CCDC148: variants seen among roughly 807,000 people sequenced by gnomAD.
The protein encoded by CCDC148 is coiled-coil domain containing 148, also known as coiled-coil domain-containing protein 148.
In CCDC148, 89 loss-of-function variants were observed where a neutral mutation model predicts 85.7. The ratio of observed to expected loss-of-function variants is 1.04; its 90% confidence interval spans 0.87 to 1.24. CCDC148 has a LOEUF of 1.24. Ranked by LOEUF, CCDC148 falls within the 50% of genes most tolerant of loss-of-function variation. The pLI is 0.00. For synonymous variants in CCDC148, 230 were observed against 213.9 expected, an observed-to-expected ratio of 1.08 and a Z score of -0.66; for missense variants, 692 against 671.7, an observed-to-expected ratio of 1.03 and a Z score of -0.33.
At chr2:158,447,853 C>G (rs1688225371) in intron 1 of CCDC148, among the ~76,000 whole-genome samples, 1 of 152,072 alleles carries the variant, frequency 6.6e-6, no homozygotes, top group South Asian at 2.1e-4. Flanking sequence ...TTTTCACTTT[C>G]TTACCAGTAT....
intron 11 of CCDC148, among the ~76,000 whole-genome samples, chr2:158,192,883 T>C (rs1478555215): frequency 6.6e-6 from 1 of 152,052 alleles, no homozygotes; most frequent in African/African-American, 2.4e-5. Flanking sequence ...AAGGCTATTT[T>C]ATTTTCTCTA....
At chr2:158,455,401 T>C (rs1400486390) in intron 1 of CCDC148, among the ~76,000 whole-genome samples, 3 of 152,090 alleles carry the variant, frequency 2.0e-5, no homozygotes, top group Non-Finnish European at 4.4e-5. Context: ...TTTTTTTTTT[T>C]CCAATCAAGG....
At chr2:158,322,493 T>A (rs1291726131) in intron 7 of CCDC148, among the ~76,000 whole-genome samples, 2 of 152,048 alleles carry the variant, frequency 1.3e-5, no homozygotes, top group East Asian at 3.8e-4. Context: ...ACATCTGAAA[T>A]ATATAAAATG....
intron 1 of CCDC148, among the ~76,000 whole-genome samples, chr2:158,374,566 C>T (rs887730249): frequency 6.6e-6 from 1 of 151,854 alleles, no homozygotes; most frequent in Non-Finnish European, 1.5e-5. Context: ...CACACGTAGA[C>T]CAAACTGAAG....
At chr2:158,413,846 A>C (rs181545951) in intron 1 of CCDC148, among the ~76,000 whole-genome samples, 2 of 152,158 alleles carry the variant, frequency 1.3e-5, no homozygotes, top group Non-Finnish European at 2.9e-5. Flanking sequence ...GGACTAAATA[A>C]CTCGTGAGTG....
intron 1 of CCDC148, among the ~76,000 whole-genome samples, chr2:158,424,158 T>G (rs1485737950): frequency 1.3e-5 from 2 of 152,158 alleles, no homozygotes; most frequent in South Asian, 2.1e-4. Context: ...AGTCAGTGTG[T>G]CAATTCCTCA....
chr2:158,456,328 G>T, intron 1 of CCDC148, 87 bp downstream of exon 1: 1 of 1,359,022 alleles, frequency 7.4e-7, no homozygotes, highest in Non-Finnish European at 1.0e-6. Context: ...AGGGGGAGTG[G>T]CTGCAGAGAA....
chr2:158,245,884 T>C (rs1234529838), intron 10 of CCDC148, among the ~76,000 whole-genome samples: 1 of 152,184 alleles, frequency 6.6e-6, no homozygotes, highest in East Asian at 1.9e-4. Context: ...ATCAATATCA[T>C]CTAACAACTT....
At chr2:158,234,780 CAT>C (rs1269146035) in intron 10 of CCDC148, among the ~76,000 whole-genome samples, 6 of 152,020 alleles carry the variant, frequency 3.9e-5, no homozygotes, top group Admixed American at 1.3e-4. Flanking sequence ...TTAAAAATAA[CAT>C]ATATAGTGTG....
chr2:158,428,375 C>A (rs1465951968), intron 1 of CCDC148, among the ~76,000 whole-genome samples: 1 of 152,050 alleles, frequency 6.6e-6, no homozygotes, highest in Non-Finnish European at 1.5e-5. Flanking sequence ...CATTTCTTAA[C>A]AGCACAACTA....
intron 9 of CCDC148, among the ~76,000 whole-genome samples, chr2:158,267,956 C>G (rs564099941): frequency 1.3e-5 from 2 of 152,156 alleles, no homozygotes; most frequent in African/African-American, 4.8e-5. Flanking sequence ...AGAAGTATTC[C>G]ATTGTATGGA....
Position 158,396,150 on chromosome 2 carries a change from A to G in CCDC148, c.26-37580T>C, listed in dbSNP as rs543240441. On this transcript the variant is annotated intron_variant, in intron 1 of 13. Transcript: ENST00000283233. ...AGGCCCAACTTGGTCCCCAGACATA[A>G]TTATTTTAACCCTCACAGTGTTTTG... 1.2e-4 allele frequency among the ~76,000 whole-genome samples: 19 copies of G among 152,212 alleles called. No individual in the cohort carries two copies. The South Asian group carries it at 2.9e-3, about 23-fold the overall frequency.
chr2:158,343,089 A>C (rs1245901173), intron 3 of CCDC148, among the ~76,000 whole-genome samples: 1 of 152,060 alleles, frequency 6.6e-6, no homozygotes, highest in African/African-American at 2.4e-5. Context: ...GTGCAATCAT[A>C]ATGTACTGAA....
chr2:158,381,544 GA>G (rs1684869060), intron 1 of CCDC148, among the ~76,000 whole-genome samples: 1 of 151,998 alleles, frequency 6.6e-6, no homozygotes, highest in South Asian at 2.1e-4. Flanking sequence ...AACTTCTTTA[GA>G]AAAAAATTAC....
intron 11 of CCDC148, among the ~76,000 whole-genome samples, chr2:158,179,400 G>A (rs778813160): frequency 2.5e-4 from 38 of 151,754 alleles, no homozygotes; most frequent in East Asian, 7.8e-4. Flanking sequence ...CTCGTGATCC[G>A]CCTGCCTTGG....
At position 158,350,480 on chromosome 2, in the gene CCDC148, C is replaced by G. The variant is rs373965974; in HGVS notation, c.148-5162G>C. 1.1e-4 allele frequency among the ~76,000 whole-genome samples: 17 copies of G among 152,006 alleles called. No individual in the cohort carries two copies. The East Asian group carries it at 1.7e-3, about 16-fold the overall frequency. ...TTTGGTATCTTTATTAAAACAATACCTTGGGAAAGAAATTTGGTAACAGGT... is the reference window on the plus strand; with the variant it reads ...TTTGGTATCTTTATTAAAACAATACGTTGGGAAAGAAATTTGGTAACAGGT... On this transcript the variant is annotated intron_variant, in intron 2 of 13. Coordinates refer to ENST00000283233, the MANE Select transcript of CCDC148 (RefSeq NM_138803.4).
At chr2:158,236,710 T>C (rs1052332531) in intron 10 of CCDC148, among the ~76,000 whole-genome samples, 3 of 152,176 alleles carry the variant, frequency 2.0e-5, no homozygotes, top group Non-Finnish European at 4.4e-5. Context: ...ACCGCTCTTG[T>C]TAAGACCTCT....
intron 1 of CCDC148, among the ~76,000 whole-genome samples, chr2:158,436,005 T>A (rs1687633103): frequency 6.6e-6 from 1 of 152,156 alleles, no homozygotes; most frequent in African/African-American, 2.4e-5. Flanking sequence ...CAAAGAGACT[T>A]AGACCCCCAC....
At chr2:158,350,396 C>T (rs1683203287) in intron 2 of CCDC148, among the ~76,000 whole-genome samples, 1 of 152,042 alleles carries the variant, frequency 6.6e-6, no homozygotes, top group South Asian at 2.1e-4. Flanking sequence ...TGTATATATA[C>T]ATGTATGAAT....
Sources: allele counts gnomAD v4.1 joint callset (sites outside exome capture counted in the v4.1 genomes callset), GRCh38; gene constraint gnomAD v4.1.1; transcripts MANE v1.5; gene names NCBI Gene and HGNC (gene_info 2026-07-23, HGNC 2026-07-21).